The following ERBIN variants were observed in gnomAD, a reference collection of about 807,000 sequenced individuals.
ERBIN encodes densin-180-like protein.
ERBIN carries 60 observed loss-of-function variants against 158.4 expected under a neutral mutation model. The observed-to-expected ratio is 0.38, with a 90% CI of 0.31 to 0.47. ERBIN has a LOEUF of 0.47. Among genes scored for constraint, ERBIN ranks in the 20% least tolerant of loss-of-function variants. ERBIN has a pLI of 0.99. For missense variants in ERBIN, 1,610 were observed against 1,648.0 expected, an observed-to-expected ratio of 0.98 and a Z score of 0.40; for synonymous variants, 594 against 557.2, an observed-to-expected ratio of 1.07 and a Z score of -0.93.
intron 1 of ERBIN, among the ~76,000 whole-genome samples, chr5:65,969,899 T>C (rs915191039): frequency 6.6e-6 from 1 of 152,234 alleles, no homozygotes; most frequent in Non-Finnish European, 1.5e-5. Flanking sequence ...TTTTCAATAA[T>C]CAGATTTAGT....
chr5:66,044,094 A>G lies in ERBIN; in HGVS notation c.1429-43A>G, dbSNP rs1317810390. ...TTAAATTTTGTTTGAGATTGACATT[A>G]GAAATATTTGTACTTCATATTTTAC... On this transcript the variant is annotated intron_variant, in intron 16 of 25. Transcript: ENST00000284037. 4.3e-6 allele frequency: 6 copies of G among 1,385,220 alleles called. 1 individual carries two copies. Among genetic ancestry groups the G allele is most frequent in the Middle Eastern group, 4.7e-4 (2 of 4,300 alleles). The allele number at this position is 1,385,220 out of a possible 1,614,324, so 85.8% of individuals were successfully genotyped here. A position where few individuals can be genotyped will look rare whatever the true frequency, so the allele number is the denominator to read the frequency against.
chr5:66,078,360 T>C, intron 25 of ERBIN, 63 bp from the exon 26 acceptor site: 3 of 1,036,232 alleles, frequency 2.9e-6, no homozygotes, highest in Non-Finnish European at 4.3e-6. Flanking sequence ...TGTGAACTAC[T>C]TGGCAGAAAT....
chr5:66,071,000 T>C (rs1409870964), intron 21 of ERBIN, among the ~76,000 whole-genome samples: 5 of 152,176 alleles, frequency 3.3e-5, no homozygotes, highest in African/African-American at 1.2e-4. Context: ...GGGATGTGTT[T>C]AGAACTAAAA....
chr5:66,066,795 A>G (rs905232622), intron 21 of ERBIN, among the ~76,000 whole-genome samples: 3 of 152,246 alleles, frequency 2.0e-5, no homozygotes, highest in Non-Finnish European at 4.4e-5. Context: ...AATGAACAAC[A>G]TTGCCCAGGA....
chr5:66,018,472 A>AG lies in ERBIN; in HGVS notation c.534-2850_534-2849insG, dbSNP rs1755092092. ...ATATATATTATATTATATAATATATATTATATATTATATATTATATTATAT... is the reference window on the plus strand; with the variant it reads ...ATATATATTATATTATATAATATATAGTTATATATTATATATTATATTATAT... On this transcript the variant is annotated intron_variant, in intron 7 of 25. Coordinates refer to ENST00000284037, the MANE Select transcript of ERBIN (RefSeq NM_001253697.2). 4.5e-4 allele frequency among the ~76,000 whole-genome samples: 2 copies of AG among 4,476 alleles called. 1 individual carries two copies. The highest frequency in any genetic ancestry group is 5.6e-3 in the Admixed American group (2 of 360). 2.9% of individuals were successfully genotyped at this position (4,476 alleles called of 152,430 possible).
chr5:66,001,765 G>A (rs1015019319), intron 4 of ERBIN, among the ~76,000 whole-genome samples: 3 of 151,848 alleles, frequency 2.0e-5, no homozygotes, highest in African/African-American at 2.4e-5. Context: ...TTCTTTTCTC[G>A]AGTTTTGGTT....
Position 65,928,428 on chromosome 5 carries a change from T to C in ERBIN, c.-58+1622T>C, listed in dbSNP as rs559429120. On this transcript the variant is annotated intron_variant, in intron 1 of 25. Transcript: ENST00000284037. ...AAAGAGGTGAACAAAATAAATGGCA[T>C]TGAACTTCAGTTTCCTTATATGGCT... Among the ~76,000 whole-genome samples the C allele has an allele frequency of 2.6e-4, 39 of 152,336 alleles. No individual in the cohort carries two copies. The East Asian group carries it at 7.1e-3, about 28-fold the overall frequency.
At chr5:65,939,661 C>T (rs1471537171) in intron 1 of ERBIN, among the ~76,000 whole-genome samples, 1 of 65,492 alleles carries the variant, frequency 1.5e-5, no homozygotes, top group African/African-American at 3.5e-5. Flanking sequence ...ATTCTCCTGC[C>T]TCAGCCTGCC....
intron 25 of ERBIN, among the ~76,000 whole-genome samples, chr5:66,077,759 TACAC>T (rs70987111): frequency 0.035 from 4,844 of 139,324 alleles, 87 homozygotes; most frequent in African/African-American, 0.053. Context: ...TCCCTCCCTC[TACAC>T]ACACACACAC....
At chr5:65,957,843 GCTC>G (rs897707476) in intron 1 of ERBIN, among the ~76,000 whole-genome samples, 2 of 150,494 alleles carry the variant, frequency 1.3e-5, no homozygotes, top group Non-Finnish European at 3.0e-5. Context: ...GGGCGGAGGG[GCTC>G]CTCACTTCTC....
chr5:65,972,924 A>G lies in ERBIN; in HGVS notation c.-57-15711A>G, dbSNP rs933353645. On this transcript the variant is annotated intron_variant, in intron 1 of 25. Coordinates refer to ENST00000284037, the MANE Select transcript of ERBIN (RefSeq NM_001253697.2). ...AATGAGAACTTCAACCTGACCTCTC[A>G]TTGTTTTGCCAATTCCTACGTTTTT... Among the ~76,000 whole-genome samples, 10 of 151,378 alleles carry G rather than the reference A, an allele frequency of 6.6e-5. No individual in the cohort carries two copies. The South Asian group carries it at 1.2e-3, about 19-fold the overall frequency.
Position 66,031,383 on chromosome 5 carries a change from G to A in ERBIN, c.1206+3040G>A, listed in dbSNP as rs1012487987. ...AACTGCTTTGTGCCAGGCAATTTAA[G>A]GTGGGAACAATATTTAGAAAGTTAC... On this transcript the variant is annotated intron_variant, in intron 14 of 25. Transcript: ENST00000284037. Among the ~76,000 whole-genome samples, 4 of 152,252 alleles carry A rather than the reference G, an allele frequency of 2.6e-5. No individual in the cohort carries two copies. In the East Asian group the frequency reaches 7.7e-4, roughly 29 times the overall value.
At chr5:66,027,967 T>A (rs1406570112) in intron 13 of ERBIN, among the ~76,000 whole-genome samples, 1 of 152,120 alleles carries the variant, frequency 6.6e-6, no homozygotes, top group East Asian at 1.9e-4. Flanking sequence ...CCTTAATGTG[T>A]TCTTTTCTCT....
intron 14 of ERBIN, among the ~76,000 whole-genome samples, chr5:66,031,175 G>A (rs1756832487): frequency 6.6e-6 from 1 of 152,150 alleles, no homozygotes; most frequent in African/African-American, 2.4e-5. Context: ...CAGAGGTTTG[G>A]TTGTGAATTA....
intron 1 of ERBIN, among the ~76,000 whole-genome samples, chr5:65,968,071 C>T (rs1224706238): frequency 1.3e-5 from 2 of 152,144 alleles, no homozygotes; most frequent in Non-Finnish European, 2.9e-5. Flanking sequence ...TTTTAAGAAG[C>T]GTGTCACCAA....
chr5:65,930,914 A>G (rs570457981), intron 1 of ERBIN, among the ~76,000 whole-genome samples: 1 of 152,242 alleles, frequency 6.6e-6, no homozygotes, highest in South Asian at 2.1e-4. Context: ...ATAGTACTCT[A>G]TCACTCTATT....
At chr5:66,046,189 A>C (rs1758423917) in intron 17 of ERBIN, among the ~76,000 whole-genome samples, 164 bp from the exon 18 acceptor site, 1 of 152,198 alleles carries the variant, frequency 6.6e-6, no homozygotes. Flanking sequence ...TCCTAAAATG[A>C]GCATTTTATC....
intron 4 of ERBIN, among the ~76,000 whole-genome samples, chr5:66,009,483 C>T (rs1218599814): frequency 6.6e-6 from 1 of 152,068 alleles, no homozygotes; most frequent in Non-Finnish European, 1.5e-5. Flanking sequence ...CTAAATAAAA[C>T]CTAGCAATAA....
chr5:66,033,257 A>G (rs1757067194), intron 14 of ERBIN, among the ~76,000 whole-genome samples: 1 of 152,222 alleles, frequency 6.6e-6, no homozygotes, highest in African/African-American at 2.4e-5. Flanking sequence ...CATTTGTTTC[A>G]GCCCATGATC....
Sources: gnomAD v4.1 joint callset for allele counts (sites outside exome capture counted in the v4.1 genomes callset) on GRCh38, gnomAD v4.1.1 for gene constraint, MANE v1.5 for transcripts, NCBI Gene and HGNC (gene_info 2026-07-23, HGNC 2026-07-21) for gene names.